SORCS1: variants seen among roughly 807,000 people sequenced by gnomAD.
The protein encoded by SORCS1 is VPS10 domain-containing receptor SorCS1.
SORCS1 carries 60 observed loss-of-function variants against 146.1 expected under a neutral mutation model. The observed-to-expected ratio is 0.41, with a 90% confidence interval of 0.33 to 0.51. The LOEUF is 0.51. Among genes scored for constraint, SORCS1 ranks in the 20% least tolerant of loss-of-function variants. SORCS1 has a pLI of 0.21. For synonymous variants in SORCS1, 637 were observed against 584.0 expected (o/e 1.09, Z -1.31); for missense variants, 1,352 against 1,487.6 (o/e 0.91, Z 1.50).
At chr10:107,045,554 C>T (rs1377744246) in intron 1 of SORCS1, among the ~76,000 whole-genome samples, 2 of 152,112 alleles carry the variant, frequency 1.3e-5, no homozygotes, top group African/African-American at 4.8e-5. Context: ...TTCAATTCAG[C>T]TCATCACCAA....
At chr10:106,721,172 A>C (rs1190808171) in intron 6 of SORCS1, among the ~76,000 whole-genome samples, 3 of 152,130 alleles carry the variant, frequency 2.0e-5, no homozygotes. Context: ...GCATTTTCTC[A>C]GCATGTCAGG....
intron 18 of SORCS1, among the ~76,000 whole-genome samples, chr10:106,632,046 T>C (rs2133596377): frequency 6.6e-6 from 1 of 152,280 alleles, no homozygotes; most frequent in South Asian, 2.1e-4. Context: ...GTCAGGTTAT[T>C]AGGGTGTTAG....
intron 1 of SORCS1, among the ~76,000 whole-genome samples, chr10:107,089,438 T>C (rs1230567926): frequency 6.6e-6 from 1 of 152,210 alleles, no homozygotes; most frequent in Non-Finnish European, 1.5e-5. Flanking sequence ...CCTAGACACA[T>C]GAAAATCTAT....
chr10:106,967,344 C>CT (rs5787699), intron 1 of SORCS1, among the ~76,000 whole-genome samples: 76,945 of 150,894 alleles, frequency 0.51, 19,820 homozygotes, highest in East Asian at 0.72. Flanking sequence ...ATGATTTTGA[C>CT]TTTTTTTTTA....
intron 2 of SORCS1, among the ~76,000 whole-genome samples, chr10:106,882,298 AG>A (rs1179981348): frequency 6.6e-6 from 1 of 152,078 alleles, no homozygotes; most frequent in Admixed American, 6.6e-5. Context: ...TCACCAAAAA[AG>A]TCTCATAATG....
chr10:106,704,130 C>T (rs905817745), intron 8 of SORCS1, among the ~76,000 whole-genome samples: 2 of 152,138 alleles, frequency 1.3e-5, no homozygotes, highest in African/African-American at 4.8e-5. Flanking sequence ...TTTCCCAAAC[C>T]TCCAGCAATG....
At chr10:106,599,720 ACT>A (rs1846123432) in intron 23 of SORCS1, among the ~76,000 whole-genome samples, 2 of 150,344 alleles carry the variant, frequency 1.3e-5, no homozygotes, top group South Asian at 4.3e-4. Flanking sequence ...TGGGAGAAAG[ACT>A]CCCCACTTTC....
At chr10:106,926,862 C>CAG (rs1953060613) in intron 2 of SORCS1, among the ~76,000 whole-genome samples, 2 of 97,364 alleles carry the variant, frequency 2.1e-5, no homozygotes, top group African/African-American at 1.0e-4. Context: ...CACACACACA[C>CAG]ACACAGAGAG....
chr10:106,943,702 C>T (rs190518395), intron 2 of SORCS1, among the ~76,000 whole-genome samples: 2,975 of 151,840 alleles, frequency 0.02, 44 homozygotes, highest in Non-Finnish European at 0.03. Context: ...CCCAGCTACT[C>T]GGGAGGCTGA....
At chr10:106,783,182 A>T (rs989371943) in intron 3 of SORCS1, among the ~76,000 whole-genome samples, 1 of 152,192 alleles carries the variant, frequency 6.6e-6, no homozygotes, top group Non-Finnish European at 1.5e-5. Flanking sequence ...GTTGCCATTT[A>T]TTGAGCTGTT....
chr10:106,784,318 C>T (rs1945941949), intron 3 of SORCS1, among the ~76,000 whole-genome samples: 1 of 151,528 alleles, frequency 6.6e-6, no homozygotes, highest in South Asian at 2.1e-4. Context: ...TGGCATGAAC[C>T]CAGGAGGCGG....
chr10:106,608,847 C>A (rs113821970), intron 22 of SORCS1, among the ~76,000 whole-genome samples: 1,623 of 152,270 alleles, frequency 0.011, 28 homozygotes, highest in African/African-American at 0.037. Flanking sequence ...CTTCAAGAGA[C>A]CCCGAGGGGA....
At chr10:106,968,335 G>C (rs1283817363) in intron 1 of SORCS1, among the ~76,000 whole-genome samples, 1 of 152,240 alleles carries the variant, frequency 6.6e-6, no homozygotes, top group African/African-American at 2.4e-5. Context: ...GATGATCTGA[G>C]AAAGACAGAT....
At chr10:106,975,394 C>A (rs1410090712) in intron 1 of SORCS1, among the ~76,000 whole-genome samples, 1 of 152,206 alleles carries the variant, frequency 6.6e-6, no homozygotes, top group African/African-American at 2.4e-5. Context: ...TTTTAAAAAA[C>A]TGTGTTGGTG....
chr10:106,714,505 A>G (rs1177474877), intron 6 of SORCS1, among the ~76,000 whole-genome samples: 2 of 152,188 alleles, frequency 1.3e-5, no homozygotes, highest in Non-Finnish European at 2.9e-5. Flanking sequence ...GGTATAAAGT[A>G]CATGTATTCT....
intron 2 of SORCS1, among the ~76,000 whole-genome samples, chr10:106,889,888 TAAAAAAAA>T (rs772421907): frequency 4.2e-5 from 3 of 71,680 alleles, no homozygotes; most frequent in Non-Finnish European, 5.5e-5. Flanking sequence ...ACGTCTCAAA[TAAAAAAAA>T]AAAAAAAAAA....
chr10:107,019,801 A>G (rs1241373855), intron 1 of SORCS1, among the ~76,000 whole-genome samples: 1 of 152,270 alleles, frequency 6.6e-6, no homozygotes, highest in African/African-American at 2.4e-5. Flanking sequence ...TTGGGGCATG[A>G]CTATCTCTGT....
Position 106,986,527 on chromosome 10 carries a change from T to C in SORCS1, c.559-29947A>G, listed in dbSNP as rs888902367. Among the ~76,000 whole-genome samples, 762 of 93,322 alleles carry C rather than the reference T, an allele frequency of 8.2e-3. 2 individuals are homozygous for C. Among genetic ancestry groups the C allele is most frequent in the Non-Finnish European group, 0.018 (601 of 33,856 alleles). The allele number at this position is 93,322 out of a possible 152,430, so 61.2% of individuals were successfully genotyped here. On this transcript the variant is annotated intron_variant, in intron 1 of 25. Transcript: ENST00000263054. ...ATATACAACCGTGTGTGTGTGTGTGTGTGTGTGTGTGTGTGTGTGTGTCTG... is the reference window on the plus strand; with the variant it reads ...ATATACAACCGTGTGTGTGTGTGTGCGTGTGTGTGTGTGTGTGTGTGTCTG...
chr10:106,819,251 A>G (rs747305885), intron 3 of SORCS1, among the ~76,000 whole-genome samples: 2 of 152,200 alleles, frequency 1.3e-5, no homozygotes, highest in Admixed American at 6.5e-5. Context: ...TAGTTTGGAG[A>G]GGAGGAAACT....
Sources: gnomAD v4.1 joint callset for allele counts (sites outside exome capture counted in the v4.1 genomes callset) on GRCh38, gnomAD v4.1.1 for gene constraint, MANE v1.5 for transcripts, NCBI Gene and HGNC (gene_info 2026-07-23, HGNC 2026-07-21) for gene names.